Variants in UBE2E2 observed in about 807,000 individuals in gnomAD.
The protein encoded by UBE2E2 is ubiquitin conjugating enzyme E2 E2, also known as ubiquitin-conjugating enzyme E2 E2.
In UBE2E2, 6 loss-of-function variants were observed where a neutral mutation model predicts 24.7. The ratio of observed to expected loss-of-function variants is 0.24; its 90% confidence interval spans 0.13 to 0.48. The LOEUF is 0.48. UBE2E2 is among the 20% of genes least tolerant of loss of function. The pLI, the probability that UBE2E2 is intolerant of heterozygous loss-of-function variation, is 0.99. For missense variants in UBE2E2, 169 were observed against 245.0 expected (o/e 0.69, Z 2.07); for synonymous variants, 104 against 83.6 (o/e 1.24, Z -1.33).
At chr3:23,340,401 C>G (rs1379979839) in intron 3 of UBE2E2, among the ~76,000 whole-genome samples, 1 of 152,026 alleles carries the variant, frequency 6.6e-6, no homozygotes, top group Admixed American at 6.6e-5. Context: ...AAGTGCCTGT[C>G]ATGCTCTGGA....
intron 3 of UBE2E2, among the ~76,000 whole-genome samples, chr3:23,469,775 T>G (rs1698995973): frequency 6.6e-6 from 1 of 152,230 alleles, no homozygotes; most frequent in Non-Finnish European, 1.5e-5. Flanking sequence ...ATTCTGCCTG[T>G]TGAAGAGAAG....
intron 3 of UBE2E2, among the ~76,000 whole-genome samples, chr3:23,287,186 T>C: frequency 6.6e-6 from 1 of 152,112 alleles, no homozygotes; most frequent in Admixed American, 6.5e-5. Flanking sequence ...GATCATATGG[T>C]TTTTGTCCTT....
At chr3:23,549,258 T>C (rs1057342734) in intron 5 of UBE2E2, among the ~76,000 whole-genome samples, 2 of 152,218 alleles carry the variant, frequency 1.3e-5, no homozygotes, top group Non-Finnish European at 2.9e-5. Flanking sequence ...TAGCATGAGA[T>C]GGTTTTTTAT....
intron 5 of UBE2E2, among the ~76,000 whole-genome samples, chr3:23,565,266 C>T (rs943262316): frequency 1.3e-5 from 2 of 151,876 alleles, no homozygotes; most frequent in Non-Finnish European, 2.9e-5. Context: ...AAATAGGTCC[C>T]GGAATTAGCC....
At chr3:23,224,547 C>CT (rs1491434681) in intron 3 of UBE2E2, among the ~76,000 whole-genome samples, 810 of 49,980 alleles carry the variant, frequency 0.016, 25 homozygotes, top group Admixed American at 0.11. Flanking sequence ...GTTCTAACAG[C>CT]TTTTTTTTTT....
At chr3:23,383,627 C>T (rs1436530496) in intron 3 of UBE2E2, among the ~76,000 whole-genome samples, 2 of 148,706 alleles carry the variant, frequency 1.3e-5, no homozygotes, top group African/African-American at 5.0e-5. Flanking sequence ...GGAAAAGATA[C>T]TGAGGTTTTT....
At chr3:23,414,412 C>T (rs985545972) in intron 3 of UBE2E2, among the ~76,000 whole-genome samples, 2 of 152,178 alleles carry the variant, frequency 1.3e-5, no homozygotes, top group African/African-American at 2.4e-5. Flanking sequence ...CTTCCCTTCC[C>T]TCATTTGAGC....
intron 3 of UBE2E2, among the ~76,000 whole-genome samples, chr3:23,469,427 C>T (rs1698988994): frequency 6.6e-6 from 1 of 152,058 alleles, no homozygotes; most frequent in Admixed American, 6.5e-5. Context: ...AAAATTGATG[C>T]CTCTAAATTA....
chr3:23,312,773 G>C (rs1049222153), intron 3 of UBE2E2, among the ~76,000 whole-genome samples: 1 of 151,996 alleles, frequency 6.6e-6, no homozygotes, highest in Non-Finnish European at 1.5e-5. Flanking sequence ...GTATCCCATA[G>C]GTTTTGCTGT....
At chr3:23,217,756 GT>G (rs1696517331) in intron 3 of UBE2E2, among the ~76,000 whole-genome samples, 1 of 151,870 alleles carries the variant, frequency 6.6e-6, no homozygotes. Flanking sequence ...ATTTCTTGTC[GT>G]CATTGGTTGT....
In UBE2E2 at chr3:23,362,301, T is replaced by C. The variant is rs565867693; in HGVS notation, c.228-137307T>C. Among the ~76,000 whole-genome samples the C allele has an allele frequency of 3.3e-5, 5 of 152,162 alleles. No individual in the cohort carries two copies. In the South Asian group the frequency reaches 8.3e-4, roughly 25 times the overall value. On this transcript the variant is annotated intron_variant, in intron 3 of 5. Transcript: ENST00000396703. The stretch of plus-strand genomic sequence containing the variant: ...GGGAAAGAATGAGTGAGTGTGAGCT[T>C]CCTGGGGGAGCACATCCCCCTGCGC...
intron 5 of UBE2E2, among the ~76,000 whole-genome samples, chr3:23,545,301 C>T (rs1191039481): frequency 6.6e-6 from 1 of 152,164 alleles, no homozygotes; most frequent in East Asian, 1.9e-4. Flanking sequence ...TTGGACAATA[C>T]CTGGCTTTCC....
chr3:23,460,187 C>T (rs2125424418), intron 3 of UBE2E2, among the ~76,000 whole-genome samples: 1 of 152,246 alleles, frequency 6.6e-6, no homozygotes, highest in African/African-American at 2.4e-5. Context: ...CCCAGAGGTC[C>T]TCTGGCACAG....
rs117267155 is a variant in UBE2E2, at chr3:23,418,443, G to T, written c.228-81165G>T. ...GAAATGCAGAAATCACCCACCTTCC[G>T]TGTTGATCTTGCTGGGACCTGCACC... On this transcript the variant is annotated intron_variant, in intron 3 of 5. Coordinates refer to ENST00000396703, the MANE Select transcript of UBE2E2 (RefSeq NM_152653.4). Among the ~76,000 whole-genome samples the T allele has an allele frequency of 4.6e-5, 7 of 152,220 alleles. No individual in the cohort carries two copies. The East Asian group carries it at 7.8e-4, about 17-fold the overall frequency.
intron 3 of UBE2E2, among the ~76,000 whole-genome samples, chr3:23,335,859 A>T (rs1482413232): frequency 5.3e-5 from 8 of 152,174 alleles, no homozygotes; most frequent in African/African-American, 1.9e-4. Flanking sequence ...TTTAAATTGA[A>T]AAGTCACAAA....
At chr3:23,447,223 G>T (rs1698453519) in intron 3 of UBE2E2, among the ~76,000 whole-genome samples, 1 of 152,082 alleles carries the variant, frequency 6.6e-6, no homozygotes, top group South Asian at 2.1e-4. Flanking sequence ...TTTGTGCACT[G>T]CCCTGTCCCT....
At chr3:23,561,305 T>C (rs1695924051) in intron 5 of UBE2E2, among the ~76,000 whole-genome samples, 3 of 152,184 alleles carry the variant, frequency 2.0e-5, no homozygotes, top group Non-Finnish European at 4.4e-5. Flanking sequence ...GCCAGTTTTC[T>C]CAGCACCATT....
chr3:23,349,836 C>T (rs1008119431), intron 3 of UBE2E2, among the ~76,000 whole-genome samples: 10 of 152,222 alleles, frequency 6.6e-5, no homozygotes, highest in African/African-American at 2.2e-4. Flanking sequence ...CAGCAGTAAC[C>T]TCTGCAGACT....
In UBE2E2 at chr3:23,563,373, A is replaced by G. The variant is rs185354929; in HGVS notation, c.509-26361A>G. On this transcript the variant is annotated intron_variant, in intron 5 of 5. Transcript: ENST00000396703. ...GGGTTGTTCAGTTTCCATGTAGTTG[A>G]TCGGTTTTGAGTGAGTTTCTTAGTC... Among the ~76,000 whole-genome samples, 64 of 152,114 alleles carry G rather than the reference A, an allele frequency of 4.2e-4. 1 individual carries two copies. Among genetic ancestry groups the G allele is most frequent in the Non-Finnish European group, 5.9e-5 (4 of 67,976 alleles).
Sources: allele counts gnomAD v4.1 joint callset (sites outside exome capture counted in the v4.1 genomes callset), GRCh38; gene constraint gnomAD v4.1.1; transcripts MANE v1.5; gene names NCBI Gene and HGNC (gene_info 2026-07-23, HGNC 2026-07-21).